Variants in ALCAM observed in about 807,000 individuals in gnomAD.
The protein encoded by ALCAM is activated leukocyte cell adhesion molecule.
ALCAM carries 30 observed loss-of-function variants against 70.9 expected under a neutral mutation model. The ratio of observed to expected loss-of-function variants is 0.42; its 90% CI spans 0.32 to 0.57. The LOEUF is 0.57. Ranked by LOEUF, ALCAM falls within the 20% of genes least tolerant of loss-of-function variation. The pLI, the probability that ALCAM is intolerant of heterozygous loss-of-function variation, is 0.11. For missense variants in ALCAM, 591 were observed against 695.1 expected (o/e 0.85, Z 1.68); for synonymous variants, 249 against 242.5 (o/e 1.03, Z -0.25).
intron 1 of ALCAM, among the ~76,000 whole-genome samples, chr3:105,397,498 A>G (rs1406310377): frequency 6.6e-6 from 1 of 151,914 alleles, no homozygotes; most frequent in African/African-American, 2.4e-5. Flanking sequence ...AGATTTAAAC[A>G]TATCAATTTA....
At chr3:105,552,052 G>A in intron 12 of ALCAM, 92 bp from the exon 13 acceptor site, 1 of 778,500 alleles carries the variant, frequency 1.3e-6, no homozygotes, top group East Asian at 2.9e-5. Flanking sequence ...TTTTATCTTT[G>A]AGTATTATTA....
intron 1 of ALCAM, among the ~76,000 whole-genome samples, chr3:105,470,370 G>A (rs1312288198): frequency 6.6e-6 from 1 of 151,032 alleles, no homozygotes. Flanking sequence ...AACACATATG[G>A]TAAATTATTC....
intron 1 of ALCAM, among the ~76,000 whole-genome samples, chr3:105,374,537 A>G (rs1935329727): frequency 6.6e-6 from 1 of 151,900 alleles, no homozygotes. Flanking sequence ...TGTTTTTGAG[A>G]CGGTGTCTCG....
intron 1 of ALCAM, among the ~76,000 whole-genome samples, chr3:105,375,880 G>A (rs1389481898): frequency 6.6e-6 from 1 of 152,214 alleles, no homozygotes; most frequent in East Asian, 1.9e-4. Context: ...TACGGTTGTA[G>A]TCAAGGGTGT....
chr3:105,470,849 G>T (rs892319602), intron 1 of ALCAM, among the ~76,000 whole-genome samples: 39 of 151,132 alleles, frequency 2.6e-4, no homozygotes, highest in African/African-American at 9.4e-4. Context: ...ATTTTCAAAA[G>T]ATTTTTAATA....
intron 14 of ALCAM, among the ~76,000 whole-genome samples, chr3:105,563,690 T>TC (rs1940680126): frequency 1.0e-5 from 1 of 97,206 alleles, no homozygotes; most frequent in African/African-American, 4.3e-5. Flanking sequence ...TTTTTTTTTT[T>TC]TTTTTTTTGA....
chr3:105,374,455 C>T (rs1935326950), intron 1 of ALCAM, among the ~76,000 whole-genome samples: 1 of 151,984 alleles, frequency 6.6e-6, no homozygotes, highest in Non-Finnish European at 1.5e-5. Context: ...GTAAACTTTC[C>T]CATGGTGGAA....
chr3:105,569,124 TG>T (rs1320870408), intron 14 of ALCAM, among the ~76,000 whole-genome samples: 4 of 152,162 alleles, frequency 2.6e-5, no homozygotes, highest in African/African-American at 9.7e-5. Context: ...GACTTCTTTA[TG>T]TATCACTCTC....
chr3:105,419,177 T>G (rs951239380), intron 1 of ALCAM, among the ~76,000 whole-genome samples: 2 of 77,002 alleles, frequency 2.6e-5, no homozygotes, highest in African/African-American at 9.1e-5. Flanking sequence ...TGTAGTATTA[T>G]AGTTTAAAGT....
chr3:105,523,290 C>T (rs1939603076), intron 2 of ALCAM, among the ~76,000 whole-genome samples: 1 of 151,830 alleles, frequency 6.6e-6, no homozygotes, highest in South Asian at 2.1e-4. Context: ...GAAGGAATGA[C>T]TTAAGAAGAG....
chr3:105,485,475 G>A (rs930709446), intron 1 of ALCAM, among the ~76,000 whole-genome samples: 3 of 151,494 alleles, frequency 2.0e-5, no homozygotes, highest in African/African-American at 2.4e-5. Flanking sequence ...TTCCTAGAAT[G>A]CAAAAAAATA....
chr3:105,401,374 A>C (rs547753060), intron 1 of ALCAM, among the ~76,000 whole-genome samples: 1 of 152,226 alleles, frequency 6.6e-6, no homozygotes, highest in African/African-American at 2.4e-5. Flanking sequence ...GGGCTGAGAC[A>C]CAGGAGCAGC....
At chr3:105,388,181 A>G (rs1252449111) in intron 1 of ALCAM, among the ~76,000 whole-genome samples, 1 of 151,700 alleles carries the variant, frequency 6.6e-6, no homozygotes, top group Admixed American at 6.6e-5. Flanking sequence ...TTATATTTAT[A>G]AATAGAGCAA....
At chr3:105,566,320 A>G (rs1940742106) in intron 14 of ALCAM, among the ~76,000 whole-genome samples, 1 of 152,174 alleles carries the variant, frequency 6.6e-6, no homozygotes, top group African/African-American at 2.4e-5. Context: ...TTCAATAAAG[A>G]TTGTACATTT....
At position 105,382,208 on chromosome 3, in the gene ALCAM, C is replaced by T. The variant is rs1018986196; in HGVS notation, c.73+14727C>T. ...TGCAGTGTTTGGTTTTTTGTCCTTG[C>T]CATAGTTTACTGAGAATGATGATTT... On this transcript the variant is annotated intron_variant, in intron 1 of 15. Coordinates refer to ENST00000306107, the MANE Select transcript of ALCAM (RefSeq NM_001627.4). Among the ~76,000 whole-genome samples the T allele has an allele frequency of 2.6e-5, 4 of 151,206 alleles. No individual in the cohort carries two copies. In the Admixed American group the frequency reaches 2.6e-4, roughly 10 times the overall value.
intron 8 of ALCAM, chr3:105,544,690 A>G (rs1297501595): frequency 6.1e-6 from 1 of 164,424 alleles, no homozygotes; most frequent in Non-Finnish European, 1.3e-5. Context: ...AGATTTTTAT[A>G]AAGATTGTTT....
intron 12 of ALCAM, among the ~76,000 whole-genome samples, chr3:105,551,539 T>A (rs1940407479): frequency 6.6e-6 from 1 of 151,564 alleles, no homozygotes; most frequent in South Asian, 2.1e-4. Context: ...ATTTATAGAG[T>A]TTAATATTAG....
chr3:105,419,229 C>G (rs539695331), intron 1 of ALCAM, among the ~76,000 whole-genome samples: 55 of 151,704 alleles, frequency 3.6e-4, no homozygotes, highest in Non-Finnish European at 7.7e-4. Context: ...ACAGTGAGGC[C>G]AAAGGAATTG....
At chr3:105,378,388 T>C (rs1019554794) in intron 1 of ALCAM, among the ~76,000 whole-genome samples, 1 of 151,988 alleles carries the variant, frequency 6.6e-6, no homozygotes, top group Non-Finnish European at 1.5e-5. Flanking sequence ...GGGGCACTTA[T>C]ACTTTATTCT....
Sources: allele counts gnomAD v4.1 joint callset (sites outside exome capture counted in the v4.1 genomes callset), GRCh38; gene constraint gnomAD v4.1.1; transcripts MANE v1.5; gene names NCBI Gene and HGNC (gene_info 2026-07-23, HGNC 2026-07-21).